The following LSS variants were observed in gnomAD, a reference collection of about 807,000 sequenced individuals.
The protein encoded by LSS is lanosterol synthase, also known as 2,3-epoxysqualene-lanosterol cyclase.
LSS carries 90 observed loss-of-function variants against 110.3 expected under a neutral mutation model. The observed-to-expected ratio is 0.82, with a 90% CI of 0.69 to 0.97. The LOEUF is 0.97. LSS is among the 50% of genes least tolerant of loss of function. The pLI is 0.00. For synonymous variants in LSS, 433 were observed against 400.0 expected (o/e 1.08, Z -0.98); for missense variants, 927 against 990.0 (o/e 0.94, Z 0.85).
At chr21:46,192,235 G>A (rs1042318881) in intron 20 of LSS, 12 of 545,528 alleles carry the variant, frequency 2.2e-5, no homozygotes, top group Admixed American at 1.6e-4. Context: ...TGAAGAGGAC[G>A]CCAAGCCTTG....
intron 17 of LSS, among the ~76,000 whole-genome samples, chr21:46,205,402 C>A (rs971003164): frequency 6.6e-6 from 1 of 152,170 alleles, no homozygotes; most frequent in African/African-American, 2.4e-5. Context: ...GGCATGTGGG[C>A]GGCCCCGTCA....
chr21:46,223,294 C>T (rs957337324), intron 3 of LSS, among the ~76,000 whole-genome samples: 4 of 152,228 alleles, frequency 2.6e-5, no homozygotes, highest in Admixed American at 2.6e-4. Flanking sequence ...TAAGAACCTT[C>T]CGTCCCCAGC....
intron 20 of LSS, among the ~76,000 whole-genome samples, chr21:46,193,985 T>C (rs182200878): frequency 4.0e-4 from 60 of 151,616 alleles, no homozygotes; most frequent in Admixed American, 5.9e-4. Context: ...CGTGTGTGCA[T>C]AGGCCTGTGT....
At chr21:46,205,289 GA>G (rs1340203560) in intron 17 of LSS, among the ~76,000 whole-genome samples, 1 of 49,348 alleles carries the variant, frequency 2.0e-5, no homozygotes, top group East Asian at 4.1e-4. Flanking sequence ...GACTAACCGC[GA>G]GCAGGAGAGC....
chr21:46,206,899 C>A, intron 15 of LSS, 131 bp from the exon 16 acceptor site: 1 of 700,874 alleles, frequency 1.4e-6, no homozygotes, highest in South Asian at 1.6e-5. Context: ...GGGCGGAGAG[C>A]TGATTTCCAC....
chr21:46,209,480 C>A lies in LSS; in HGVS notation c.1266+74G>T. ...TAGGGCAGGGTGGAGGTGAGGTGGG[C>A]ACTTCTGCCTGCAGGAGCTCCCAGC... is the stretch of plus-strand genomic sequence containing the variant. On this transcript the variant is annotated intron_variant, in intron 13 of 21. Transcript: ENST00000397728. This position sits in a 1 kb window ranked among gnomAD's most constrained non-coding sequence, Gnocchi z 4.4. 1 of 1,359,906 alleles carries A rather than the reference C, an allele frequency of 7.4e-7. No individual in the cohort carries two copies. The highest frequency in any genetic ancestry group is 1.3e-5 in the South Asian group (1 of 75,012). The allele number at this position is 1,359,906 out of a possible 1,614,324, so 84.2% of individuals were successfully genotyped here. A position where few individuals can be genotyped will look rare whatever the true frequency, so the allele number is the denominator to read the frequency against.
intron 17 of LSS, among the ~76,000 whole-genome samples, chr21:46,202,386 T>A (rs2079990459): frequency 7.2e-6 from 1 of 138,512 alleles, no homozygotes; most frequent in Admixed American, 7.1e-5. Context: ...AGAGCGAGAC[T>A]CCGTCTCAAA....
In LSS at chr21:46,205,825, A is replaced by ACCCT; in HGVS notation, c.1670+7_1670+10dup. On this transcript the variant is annotated intron_variant, in intron 17 of 21. Transcript: ENST00000397728. ...GCAGCGCCCACACTGAATGGCTGAG[A>ACCCT]CCCTCCTTACCGGATCTCCGCTGCC... The ACCCT allele has an allele frequency of 1.3e-6, 2 of 1,590,022 alleles. No individual in the cohort carries two copies. Among genetic ancestry groups the ACCCT allele is most frequent in the South Asian group, 2.3e-5 (2 of 87,482 alleles).
intron 11 of LSS, among the ~76,000 whole-genome samples, chr21:46,212,371 A>G (rs1428723370): frequency 6.6e-6 from 1 of 152,222 alleles, no homozygotes; most frequent in Admixed American, 6.5e-5. Context: ...CGCAGGGCGT[A>G]ACCCTCCTTA....
rs919114242 is a variant in LSS, at chr21:46,209,817, A to G, written c.1195-192T>C. On this transcript the variant is annotated intron_variant, in intron 12 of 21. Transcript: ENST00000397728. This position sits in a 1 kb window ranked among gnomAD's most constrained non-coding sequence, Gnocchi z 4.4. Reference sequence around the variant, plus strand: ...AGACAAAACAGCAAAAGTCCATGAGATATGACTGAAGATGGAAGGGCGCAG... The same window carrying G: ...AGACAAAACAGCAAAAGTCCATGAGGTATGACTGAAGATGGAAGGGCGCAG... Among the ~76,000 whole-genome samples the G allele has an allele frequency of 6.6e-6, 1 of 152,034 alleles. No individual in the cohort carries two copies. Among genetic ancestry groups the G allele is most frequent in the Non-Finnish European group, 1.5e-5 (1 of 68,030 alleles).
chr21:46,190,323 A>G lies in LSS; in HGVS notation c.*781T>C, dbSNP rs2079791612. The G allele has an allele frequency of 6.3e-6, 1 of 158,938 alleles. No homozygotes were observed. The highest frequency in any genetic ancestry group is 2.5e-5 in the African/African-American group (1 of 40,164). 9.8% of individuals were successfully genotyped at this position (158,938 alleles called of 1,614,324 possible). On this transcript the variant is annotated 3_prime_UTR_variant, in exon 22 of 22. Transcript: ENST00000397728. This position sits in a 1 kb window ranked among gnomAD's most constrained non-coding sequence, Gnocchi z 4.6. Reference sequence around the variant, plus strand: ...TAAACCCTGTAGACACCTCACAAACAGCATTCCACGCAGGTGGGTTCATGT... The same window carrying G: ...TAAACCCTGTAGACACCTCACAAACGGCATTCCACGCAGGTGGGTTCATGT...
At position 46,209,619 on chromosome 21, in the gene LSS, C is replaced by T. The variant is rs774953577; in HGVS notation, c.1201G>A (p.Gly401Arg). 2.5e-6 allele frequency: 4 copies of T among 1,595,446 alleles called. No homozygotes were observed. The highest frequency in any genetic ancestry group is 2.7e-5 in the African/African-American group (2 of 74,662). ...FAIQALLEAG[G>R]HHRPEFSSCL... ...GACGAAAACTCGGGCCTGTGGTGCC[C>T]GCCCGCCTGGAAGAGACAGCAGGAC... Residue 401 changes from glycine (G) to arginine (R), a missense_variant, in exon 13 of 22, where the codon GGG becomes AGG. Transcript: ENST00000397728. This position sits in a 1 kb window ranked among gnomAD's most constrained non-coding sequence, Gnocchi z 4.4.
chr21:46,227,531 G>T (rs1362508355), intron 3 of LSS, 21 bp downstream of exon 3: 2 of 1,613,584 alleles, frequency 1.2e-6, no homozygotes, highest in Non-Finnish European at 1.7e-6. Context: ...ATACCATCAG[G>T]CTGGGGCAGC....
At chr21:46,207,663 C>T in intron 14 of LSS, 86 bp from the exon 15 acceptor site, 1 of 1,437,692 alleles carries the variant, frequency 7.0e-7, no homozygotes. Context: ...CATCCCTCCC[C>T]ACCACAGAGC....
At chr21:46,214,209 C>A (rs141655883) in intron 9 of LSS, among the ~76,000 whole-genome samples, 8 of 152,194 alleles carry the variant, frequency 5.3e-5, no homozygotes, top group South Asian at 2.1e-4. Flanking sequence ...GGAAGAGATG[C>A]GAAGACAGGA....
chr21:46,209,486 T>C lies in LSS; in HGVS notation c.1266+68A>G. The stretch of plus-strand genomic sequence containing the variant: ...AGGGTGGAGGTGAGGTGGGCACTTC[T>C]GCCTGCAGGAGCTCCCAGCCCTGAT... On this transcript the variant is annotated intron_variant, in intron 13 of 21. Coordinates refer to ENST00000397728, the MANE Select transcript of LSS (RefSeq NM_002340.6). This position sits in a 1 kb window ranked among gnomAD's most constrained non-coding sequence, Gnocchi z 4.4. 5 of 1,439,782 alleles carry C rather than the reference T, an allele frequency of 3.5e-6. No individual in the cohort carries two copies. The highest frequency in any genetic ancestry group is 3.8e-6 in the Non-Finnish European group (4 of 1,057,772). 89.2% of individuals were successfully genotyped at this position (1,439,782 alleles called of 1,614,324 possible).
intron 17 of LSS, among the ~76,000 whole-genome samples, chr21:46,197,671 C>T (rs1297570700): frequency 1.3e-5 from 2 of 152,142 alleles, no homozygotes; most frequent in South Asian, 4.1e-4. Flanking sequence ...GGGCAGATCA[C>T]GAGGTCAGGA....
chr21:46,228,715 G>T lies in LSS; in HGVS notation c.14+17C>A. The T allele has an allele frequency of 6.2e-7, 1 of 1,601,928 alleles. No homozygotes were observed. On this transcript the variant is annotated intron_variant, in intron 1 of 21. Transcript: ENST00000397728. ...ACCACCCCGCATTCGTCAGGAGCCC[G>T]GGGCGAGGGGACTCACGTGCCCTCC...
At chr21:46,192,116 C>A in intron 20 of LSS, 157 bp from the exon 21 acceptor site, 1 of 655,248 alleles carries the variant, frequency 1.5e-6, no homozygotes, top group East Asian at 2.7e-5. Flanking sequence ...GTGCAGCCAG[C>A]GCCTCGGGCT....
Sources: gnomAD v4.1 joint callset for allele counts (sites outside exome capture counted in the v4.1 genomes callset) on GRCh38, gnomAD v4.1.1 for gene constraint, Gnocchi (gnomAD v3.1) non-coding constraint, MANE v1.5 for transcripts, NCBI Gene and HGNC (gene_info 2026-07-23, HGNC 2026-07-21) for gene names.